Variants in APOL6 observed in about 807,000 individuals in gnomAD.
APOL6 encodes apolipoprotein L6, also known as apolipoprotein L, 6.
A neutral mutation model predicts 2.4 loss-of-function variants in APOL6; 1 was observed. That is an observed-to-expected ratio of 0.41 (90% CI 0.15 to 1.94). The LOEUF (loss-of-function observed/expected upper bound fraction) is 1.94. APOL6 is among the 30% of genes most tolerant of loss of function. The probability of loss-of-function intolerance (pLI) is 0.30; values close to 1 mark genes in which losing one functional copy is unlikely to be tolerated. For missense variants in APOL6, 438 were observed against 429.2 expected, an observed-to-expected ratio of 1.02 and a Z score of -0.18; for synonymous variants, 189 against 169.3, an observed-to-expected ratio of 1.12 and a Z score of -0.90.
rs200355715 is a variant in APOL6, at chr22:35,659,753, C to CTGTTTGTTTGTT, written c.*179_*190dup. 2.5e-3 allele frequency: 2,886 copies of CTGTTTGTTTGTT among 1,177,680 alleles called. 54 individuals carry two copies. In the East Asian group the frequency reaches 0.049, roughly 20 times the overall value. The allele number at this position is 1,177,680 out of a possible 1,614,324, so 73.0% of individuals were successfully genotyped here. A position where few individuals can be genotyped will look rare whatever the true frequency, so the allele number is the denominator to read the frequency against. ...CTATGTGCTGGGAAAAGGGTCTTCC[C>CTGTTTGTTTGTT]TGTTTGTTTGTTTGTTTGTTTGTTT... On this transcript the variant is annotated 3_prime_UTR_variant, in exon 3 of 3. Transcript: ENST00000409652.
Position 35,664,340 on chromosome 22 carries a change from C to A in APOL6, c.*4744C>A, listed in dbSNP as rs1305719180. 1 of 151,896 alleles carries A rather than the reference C, an allele frequency of 6.6e-6. No homozygotes were observed. Among genetic ancestry groups the A allele is most frequent in the Non-Finnish European group, 1.5e-5 (1 of 67,872 alleles). The allele number at this position is 151,896 out of a possible 1,614,324, so 9.4% of individuals were successfully genotyped here. On this transcript the variant is annotated 3_prime_UTR_variant, in exon 3 of 3. Transcript: ENST00000409652. ...CTGCATCTTGAATTTAGTAAGATTA[C>A]CATAACTTCTAATCCTGTGGCTTTA... is the stretch of plus-strand genomic sequence containing the variant.
chr22:35,653,956 TCCC>T (rs549739518), intron 1 of APOL6, among the ~76,000 whole-genome samples: 53 of 152,228 alleles, frequency 3.5e-4, no homozygotes, highest in African/African-American at 1.2e-3. Context: ...TTTCCACAAC[TCCC>T]TCCTCAGTTT....
chr22:35,649,957 GAT>G (rs909545459), intron 1 of APOL6, among the ~76,000 whole-genome samples: 4 of 152,140 alleles, frequency 2.6e-5, no homozygotes, highest in African/African-American at 4.8e-5. Context: ...AATGTTTCCA[GAT>G]ATTAGCAGTG....
intron 1 of APOL6, among the ~76,000 whole-genome samples, chr22:35,649,238 C>T (rs900599534): frequency 2.6e-5 from 4 of 151,970 alleles, no homozygotes; most frequent in Non-Finnish European, 1.5e-5. Flanking sequence ...GAGTTTGAGA[C>T]CAGCATGGGC....
intron 1 of APOL6, among the ~76,000 whole-genome samples, chr22:35,654,585 CAT>C (rs780197034): frequency 6.6e-6 from 1 of 151,300 alleles, no homozygotes; most frequent in Admixed American, 6.6e-5. Flanking sequence ...CATACACACA[CAT>C]ATATATACAC....
chr22:35,657,048 G>A (rs1245630584), intron 2 of APOL6, among the ~76,000 whole-genome samples: 1 of 152,236 alleles, frequency 6.6e-6, no homozygotes, highest in Non-Finnish European at 1.5e-5. Flanking sequence ...GTTCACATGT[G>A]AGACGCTTGG....
chr22:35,661,900 A>G lies in APOL6; in HGVS notation c.*2304A>G, dbSNP rs563374869. ...ATAGGAATTTTTCAAGTCCACTATA[A>G]ATCTTATCAAACCATGGTTGTATAT... On this transcript the variant is annotated 3_prime_UTR_variant, in exon 3 of 3. Transcript: ENST00000409652. 1 of 152,322 alleles carries G rather than the reference A, an allele frequency of 6.6e-6. No individual in the cohort carries two copies. The highest frequency in any genetic ancestry group is 2.4e-5 in the African/African-American group (1 of 41,572). The allele number at this position is 152,322 out of a possible 1,614,324, so 9.4% of individuals were successfully genotyped here. A position where few individuals can be genotyped will look rare whatever the true frequency, so the allele number is the denominator to read the frequency against.
Position 35,666,640 on chromosome 22 carries a change from G to C in APOL6, c.*7044G>C, listed in dbSNP as rs1456092966. On this transcript the variant is annotated 3_prime_UTR_variant, in exon 3 of 3. Coordinates refer to ENST00000409652, the MANE Select transcript of APOL6 (RefSeq NM_030641.4). Reference sequence around the variant, plus strand: ...AAAACTCCAACAGGTGCTCTTACATGCAGGTTTCTGATAACTTTGGAGATT... The same window carrying C: ...AAAACTCCAACAGGTGCTCTTACATCCAGGTTTCTGATAACTTTGGAGATT... 3 of 152,124 alleles carry C rather than the reference G, an allele frequency of 2.0e-5. No individual in the cohort carries two copies. The highest frequency in any genetic ancestry group is 4.4e-5 in the Non-Finnish European group (3 of 68,044). The allele number at this position is 152,124 out of a possible 1,614,324, so 9.4% of individuals were successfully genotyped here.
At position 35,663,316 on chromosome 22, in the gene APOL6, C is replaced by T. The variant is rs940460354; in HGVS notation, c.*3720C>T. The T allele has an allele frequency of 6.6e-6, 1 of 152,056 alleles. No individual in the cohort carries two copies. The highest frequency in any genetic ancestry group is 2.4e-5 in the African/African-American group (1 of 41,366). The allele number at this position is 152,056 out of a possible 1,614,324, so 9.4% of individuals were successfully genotyped here. On this transcript the variant is annotated 3_prime_UTR_variant, in exon 3 of 3. Coordinates refer to ENST00000409652, the MANE Select transcript of APOL6 (RefSeq NM_030641.4). Reference sequence around the variant, plus strand: ...AATGGCTGTACTTCTGAAATAGCAACACTTTGTCCTAGCTGAGATTTGGTA... The same window carrying T: ...AATGGCTGTACTTCTGAAATAGCAATACTTTGTCCTAGCTGAGATTTGGTA...
chr22:35,667,513 G>A lies in APOL6; in HGVS notation c.*7917G>A, dbSNP rs1029970780. On this transcript the variant is annotated 3_prime_UTR_variant, in exon 3 of 3. Coordinates refer to ENST00000409652, the MANE Select transcript of APOL6 (RefSeq NM_030641.4). ...ATAAAAACGTTTTTAGAAAGTCCTT[G>A]GAAACAGTTCTCATTTCAGACATGT... is the stretch of plus-strand genomic sequence containing the variant. 6 of 152,206 alleles carry A rather than the reference G, an allele frequency of 3.9e-5. No homozygotes were observed. Among genetic ancestry groups the A allele is most frequent in the African/African-American group, 1.4e-4 (6 of 41,444 alleles). The allele number at this position is 152,206 out of a possible 1,614,324, so 9.4% of individuals were successfully genotyped here.
intron 1 of APOL6, among the ~76,000 whole-genome samples, chr22:35,656,100 C>T (rs1394080441): frequency 1.3e-5 from 2 of 152,260 alleles, no homozygotes; most frequent in African/African-American, 4.8e-5. Context: ...ACATTTGGCT[C>T]AAAATAATCC....
Position 35,659,830 on chromosome 22 carries a change from A to G in APOL6, c.*234A>G. The G allele has an allele frequency of 1.6e-6, 1 of 612,138 alleles. No homozygotes were observed. The highest frequency in any genetic ancestry group is 2.6e-5 in the South Asian group (1 of 38,370). The allele number at this position is 612,138 out of a possible 1,614,324, so 37.9% of individuals were successfully genotyped here. A position where few individuals can be genotyped will look rare whatever the true frequency, so the allele number is the denominator to read the frequency against. ...GCCCAGGCTGGAGTGCAGTGGCGTA[A>G]TCTCGGCTCACTGCAACCTCTGCCT... On this transcript the variant is annotated 3_prime_UTR_variant, in exon 3 of 3. Coordinates refer to ENST00000409652, the MANE Select transcript of APOL6 (RefSeq NM_030641.4).
At chr22:35,656,244 A>G (rs565798832) in intron 1 of APOL6, 135 bp from the exon 2 acceptor site, 10 of 670,482 alleles carry the variant, frequency 1.5e-5, no homozygotes, top group African/African-American at 1.4e-4. Context: ...CAATTTTCAA[A>G]TAATAGTTTG....
rs984467740 is a variant in APOL6, at chr22:35,666,787, A to G, written c.*7191A>G. ...CAATCTTTTTGACTTTTTGCTTAAAATGTTTGCTGATCCTTTGTTTTGTGT... is the reference window on the plus strand; with the variant it reads ...CAATCTTTTTGACTTTTTGCTTAAAGTGTTTGCTGATCCTTTGTTTTGTGT... On this transcript the variant is annotated 3_prime_UTR_variant, in exon 3 of 3. Coordinates refer to ENST00000409652, the MANE Select transcript of APOL6 (RefSeq NM_030641.4). The G allele has an allele frequency of 6.6e-6, 1 of 152,190 alleles. No homozygotes were observed. Among genetic ancestry groups the G allele is most frequent in the Non-Finnish European group, 1.5e-5 (1 of 68,024 alleles). The allele number at this position is 152,190 out of a possible 1,614,324, so 9.4% of individuals were successfully genotyped here. A position where few individuals can be genotyped will look rare whatever the true frequency, so the allele number is the denominator to read the frequency against.
chr22:35,651,090 G>T (rs1924678097), intron 1 of APOL6, among the ~76,000 whole-genome samples: 1 of 152,120 alleles, frequency 6.6e-6, no homozygotes, highest in Non-Finnish European at 1.5e-5. Flanking sequence ...CAGCATTTCT[G>T]CCGTAAGCGC....
In APOL6 at chr22:35,663,647, A is replaced by G. The variant is rs1925093412; in HGVS notation, c.*4051A>G. 1 of 152,024 alleles carries G rather than the reference A, an allele frequency of 6.6e-6. No individual in the cohort carries two copies. Among genetic ancestry groups the G allele is most frequent in the Admixed American group, 6.6e-5 (1 of 15,252 alleles). The allele number at this position is 152,024 out of a possible 1,614,324, so 9.4% of individuals were successfully genotyped here. On this transcript the variant is annotated 3_prime_UTR_variant, in exon 3 of 3. Transcript: ENST00000409652. Reference sequence around the variant, plus strand: ...AGAATGTAGTTTCGTTTTATGTTTAATATCGCTCAAAGAAAAATAAAAGCA... The same window carrying G: ...AGAATGTAGTTTCGTTTTATGTTTAGTATCGCTCAAAGAAAAATAAAAGCA...
Position 35,659,118 on chromosome 22 carries a change from T to C in APOL6, c.554T>C (p.Val185Ala). 1.2e-6 allele frequency: 2 copies of C among 1,614,138 alleles called. No individual in the cohort carries two copies. Among genetic ancestry groups the C allele is most frequent in the Non-Finnish European group, 1.7e-6 (2 of 1,180,040 alleles). The change falls in exon 3 of 3, where the codon GTC (valine) becomes GCC (alanine). Residue 185 changes from valine (V) to alanine (A), a missense_variant. Transcript: ENST00000409652. ...ACCTTGAAGTATGCCAAGAAAAACG[T>C]CCGTGCATTTTGGAAACTCAGAGCC... Reference protein sequence around the residue: ...RNTLKYAKKNVRAFWKLRANP... With the variant: ...RNTLKYAKKNARAFWKLRANP...
chr22:35,656,339 C>A, intron 1 of APOL6, 40 bp from the exon 2 acceptor site: 2 of 1,481,730 alleles, frequency 1.3e-6, no homozygotes, highest in Non-Finnish European at 1.9e-6. Flanking sequence ...AAGGTTTCAT[C>A]ATATGTGCAG....
Position 35,658,720 on chromosome 22 carries a change from T to C in APOL6, c.156T>C (p.Asp52=), listed in dbSNP as rs1924915685. Residue 52 remains aspartate, a synonymous_variant, in exon 3 of 3, where the codon GAT becomes GAC. Transcript: ENST00000409652. Reference sequence around the variant, plus strand: ...GAGAATTTCCCAGATTGAAAGAAGATCTGAAAGGGAACATTGACAAGCTCC... The same window carrying C: ...GAGAATTTCCCAGATTGAAAGAAGACCTGAAAGGGAACATTGACAAGCTCC... ...FLREFPRLKE[D]LKGNIDKLRA... 6.2e-7 allele frequency: 1 copy of C among 1,614,100 alleles called. No homozygotes were observed. Among genetic ancestry groups the C allele is most frequent in the Non-Finnish European group, 8.5e-7 (1 of 1,180,026 alleles).
Sources: allele counts gnomAD v4.1 joint callset (sites outside exome capture counted in the v4.1 genomes callset), GRCh38; gene constraint gnomAD v4.1.1; transcripts MANE v1.5; gene names NCBI Gene and HGNC (gene_info 2026-07-23, HGNC 2026-07-21).